HIF1AN: variants seen among roughly 807,000 people sequenced by gnomAD.
HIF1AN encodes hypoxia-inducible factor 1-alpha inhibitor.
Under a neutral mutation model 47.7 loss-of-function variants are expected in HIF1AN, and 21 were observed. That is an observed-to-expected ratio of 0.44 (90% CI 0.31 to 0.63). HIF1AN has a LOEUF of 0.63. HIF1AN is among the 30% of genes least tolerant of loss of function. The pLI is 0.07. For missense variants in HIF1AN, 320 were observed against 432.7 expected (o/e 0.74, Z 2.31); for synonymous variants, 152 against 155.9 (o/e 0.98, Z 0.18).
intron 7 of HIF1AN, 69 bp downstream of exon 7, chr10:100,547,319 C>T: frequency 1.1e-6 from 1 of 887,246 alleles, no homozygotes; most frequent in Non-Finnish European, 1.9e-6. Context: ...GAGCGACATT[C>T]TTTACAGCTT....
intron 6 of HIF1AN, 105 bp downstream of exon 6, chr10:100,546,686 T>G: frequency 1.2e-6 from 1 of 842,736 alleles, no homozygotes; most frequent in Non-Finnish European, 2.0e-6. Flanking sequence ...TCCCTGGAAG[T>G]GATTGTCAGG....
At chr10:100,536,732 G>C in intron 2 of HIF1AN, 71 bp downstream of exon 2, 1 of 1,560,088 alleles carries the variant, frequency 6.4e-7, no homozygotes, top group Non-Finnish European at 8.7e-7. Flanking sequence ...TTGTTTGAAG[G>C]TGTGGCAGAA....
chr10:100,543,547 C>T (rs546566185), intron 3 of HIF1AN, among the ~76,000 whole-genome samples: 36 of 152,158 alleles, frequency 2.4e-4, no homozygotes, highest in African/African-American at 8.4e-4. Context: ...CTTGGTTGAC[C>T]TGCCAAGAAA....
chr10:100,539,206 A>G (rs1378271827), intron 2 of HIF1AN, among the ~76,000 whole-genome samples: 1 of 152,192 alleles, frequency 6.6e-6, no homozygotes, highest in African/African-American at 2.4e-5. Context: ...TGCTGGGATT[A>G]CAGGCGTGAG....
rs1466886082 is a variant in HIF1AN, at chr10:100,545,923, C to G, written c.724-20C>G. The G allele has an allele frequency of 6.6e-7, 1 of 1,521,734 alleles. No individual in the cohort carries two copies. 94.3% of individuals were successfully genotyped at this position (1,521,734 alleles called of 1,614,324 possible). A position where few individuals can be genotyped will look rare whatever the true frequency, so the allele number is the denominator to read the frequency against. ...AGATTTGGTGATTGATATTTTTTTT[C>G]TTTCTCTTGAACCTCTTAGGTGGAC... On this transcript the variant is annotated intron_variant, in intron 4 of 7. Transcript: ENST00000299163.
intron 3 of HIF1AN, among the ~76,000 whole-genome samples, chr10:100,544,160 A>G (rs1354173389): frequency 6.6e-6 from 1 of 152,250 alleles, no homozygotes; most frequent in Non-Finnish European, 1.5e-5. Context: ...GGGCACAACT[A>G]ATTCAAGGTG....
chr10:100,553,329 C>T lies in HIF1AN; in HGVS notation c.*5192C>T, dbSNP rs1832031164. ...GGGTGGTGGACTTTTTTGAGTGTCTCCTAATTTCTCTGAGGTGTCTTTGGC... is the reference window on the plus strand; with the variant it reads ...GGGTGGTGGACTTTTTTGAGTGTCTTCTAATTTCTCTGAGGTGTCTTTGGC... On this transcript the variant is annotated 3_prime_UTR_variant, in exon 8 of 8. Coordinates refer to ENST00000299163, the MANE Select transcript of HIF1AN (RefSeq NM_017902.3). The T allele has an allele frequency of 6.6e-6, 1 of 152,176 alleles. No homozygotes were observed. Among genetic ancestry groups the T allele is most frequent in the Non-Finnish European group, 1.5e-5 (1 of 68,066 alleles). The allele number at this position is 152,176 out of a possible 1,614,324, so 9.4% of individuals were successfully genotyped here.
At chr10:100,546,807 T>C (rs1843098402) in intron 6 of HIF1AN, among the ~76,000 whole-genome samples, 1 of 152,104 alleles carries the variant, frequency 6.6e-6, no homozygotes. Context: ...TGGCGTGATC[T>C]CGGCTCACTG....
At chr10:100,542,078 GAAAAA>G (rs1388284097) in intron 3 of HIF1AN, among the ~76,000 whole-genome samples, 2 of 148,994 alleles carry the variant, frequency 1.3e-5, no homozygotes, top group East Asian at 3.9e-4. Flanking sequence ...GGTGACAAAA[GAAAAA>G]AGTATATAAA....
rs1406361298 is a variant in HIF1AN, at chr10:100,558,660, T to C, written c.*10523T>C. On this transcript the variant is annotated 3_prime_UTR_variant, in exon 8 of 8. Coordinates refer to ENST00000299163, the MANE Select transcript of HIF1AN (RefSeq NM_017902.3). ...GCTGACTGACTGCCTTTTTATGTAA[T>C]GGAGGCCATGTGATAGGGCTTTATG... The C allele has an allele frequency of 8.5e-5, 13 of 152,204 alleles. 1 individual carries two copies. The highest frequency in any genetic ancestry group is 8.5e-4 in the Admixed American group (13 of 15,276). 9.4% of individuals were successfully genotyped at this position (152,204 alleles called of 1,614,324 possible).
intron 2 of HIF1AN, among the ~76,000 whole-genome samples, chr10:100,537,876 A>T (rs1255593642): frequency 1.3e-5 from 2 of 152,222 alleles, no homozygotes; most frequent in Admixed American, 1.3e-4. Flanking sequence ...ATTTTTGACC[A>T]GAAGAGTTTC....
At chr10:100,543,762 C>T (rs1181182310) in intron 3 of HIF1AN, among the ~76,000 whole-genome samples, 2 of 152,222 alleles carry the variant, frequency 1.3e-5, no homozygotes, top group South Asian at 2.1e-4. Flanking sequence ...ATAATAGAGA[C>T]GGAGTTTCAC....
chr10:100,538,476 C>T (rs968772259), intron 2 of HIF1AN, among the ~76,000 whole-genome samples: 11 of 152,060 alleles, frequency 7.2e-5, no homozygotes, highest in African/African-American at 2.4e-4. Context: ...CTTTGGGGAG[C>T]GTTGCATTGA....
rs1589757070 is a variant in HIF1AN, at chr10:100,556,170, A to G, written c.*8033A>G. 6.6e-6 allele frequency: 1 copy of G among 152,326 alleles called. No homozygotes were observed. The highest frequency in any genetic ancestry group is 1.9e-4 in the East Asian group (1 of 5,182). The allele number at this position is 152,326 out of a possible 1,614,324, so 9.4% of individuals were successfully genotyped here. On this transcript the variant is annotated 3_prime_UTR_variant, in exon 8 of 8. Coordinates refer to ENST00000299163, the MANE Select transcript of HIF1AN (RefSeq NM_017902.3). ...GTCAGCTCCTGAGCAGAGCAGAGGTATAAGTGTCAACTCATGCTTGTGTTA... is the reference window on the plus strand; with the variant it reads ...GTCAGCTCCTGAGCAGAGCAGAGGTGTAAGTGTCAACTCATGCTTGTGTTA...
At chr10:100,539,284 T>C (rs896753127) in intron 2 of HIF1AN, among the ~76,000 whole-genome samples, 2 of 152,106 alleles carry the variant, frequency 1.3e-5, no homozygotes, top group African/African-American at 4.8e-5. Context: ...GATGCTTCTG[T>C]CTTTTTTTTA....
Position 100,545,966 on chromosome 10 carries a change from C to T in HIF1AN, c.747C>T (p.Tyr249=), listed in dbSNP as rs369457092. ...AGGTGGACTTTGACAATCCCGACTA[C>T]GAGAGGTTCCCTAATTTCCAAAATG... ...QSQVDFDNPD[Y]ERFPNFQNVV... Residue 249 remains tyrosine (Y), a synonymous_variant, in exon 5 of 8, where the codon TAC becomes TAT. Coordinates refer to ENST00000299163, the MANE Select transcript of HIF1AN (RefSeq NM_017902.3). 38 of 1,613,306 alleles carry T rather than the reference C, an allele frequency of 2.4e-5. No individual in the cohort carries two copies. Among genetic ancestry groups the T allele is most frequent in the Admixed American group, 1.0e-4 (6 of 59,980 alleles).
At position 100,548,108 on chromosome 10, in the gene HIF1AN, A is replaced by G; in HGVS notation, c.1021A>G (p.Asn341Asp). The G allele has an allele frequency of 6.2e-7, 1 of 1,613,476 alleles. No individual in the cohort carries two copies. Among genetic ancestry groups the G allele is most frequent in the East Asian group, 2.2e-5 (1 of 44,846 alleles). The change falls in exon 8 of 8, where the codon AAC (asparagine) becomes GAC (aspartate). Residue 341 changes from asparagine to aspartate, a missense_variant. By Grantham distance (23) the Asn-to-Asp change is conservative. Coordinates refer to ENST00000299163, the MANE Select transcript of HIF1AN (RefSeq NM_017902.3). ...GNPQEVGPLLNTMIKGRYN is the reference protein window; with the variant it reads ...GNPQEVGPLLDTMIKGRYN ...TTCTTTACAGGTGGGGCCCTTGTTGAACACAATGATCAAGGGCCGATACAA... is the reference window on the plus strand; with the variant it reads ...TTCTTTACAGGTGGGGCCCTTGTTGGACACAATGATCAAGGGCCGATACAA...
chr10:100,542,646 C>T (rs532385153), intron 3 of HIF1AN, among the ~76,000 whole-genome samples: 10 of 152,234 alleles, frequency 6.6e-5, no homozygotes, highest in South Asian at 6.2e-4. Context: ...TGAGCCACCG[C>T]GCCTGGCAAA....
In HIF1AN at chr10:100,548,566, G is replaced by A. The variant is rs1843118890; in HGVS notation, c.*429G>A. 1 of 160,304 alleles carries A rather than the reference G, an allele frequency of 6.2e-6. No homozygotes were observed. Among genetic ancestry groups the A allele is most frequent in the Non-Finnish European group, 1.4e-5 (1 of 72,762 alleles). The allele number at this position is 160,304 out of a possible 1,614,324, so 9.9% of individuals were successfully genotyped here. A position where few individuals can be genotyped will look rare whatever the true frequency, so the allele number is the denominator to read the frequency against. Reference sequence around the variant, plus strand: ...CAGCCCTATCTCCTGCAACCTCAGTGCCTCAGCCTGAGAGAGAGATGAGAT... The same window carrying A: ...CAGCCCTATCTCCTGCAACCTCAGTACCTCAGCCTGAGAGAGAGATGAGAT... On this transcript the variant is annotated 3_prime_UTR_variant, in exon 8 of 8. Coordinates refer to ENST00000299163, the MANE Select transcript of HIF1AN (RefSeq NM_017902.3).
Sources: allele counts gnomAD v4.1 joint callset (sites outside exome capture counted in the v4.1 genomes callset), GRCh38; gene constraint gnomAD v4.1.1; transcripts MANE v1.5; gene names NCBI Gene and HGNC (gene_info 2026-07-23, HGNC 2026-07-21).